CADM2: variants seen among roughly 807,000 people sequenced by gnomAD.
CADM2 encodes the protein immunoglobulin superfamily member 4D.
In CADM2, 12 loss-of-function variants were observed where a neutral mutation model predicts 49.8. That is an observed-to-expected ratio of 0.24 (90% CI 0.15 to 0.39). The LOEUF (loss-of-function observed/expected upper bound fraction) is 0.39. CADM2 is among the 10% of genes least tolerant of loss of function. CADM2 has a pLI of 1.00. For missense variants in CADM2, 378 were observed against 492.3 expected, an observed-to-expected ratio of 0.77 and a Z score of 2.20; for synonymous variants, 214 against 175.4, an observed-to-expected ratio of 1.22 and a Z score of -1.74.
chr3:85,226,597 G>GTT lies in CADM2; in HGVS notation c.61+266939_61+266940dup, dbSNP rs563627048. Among the ~76,000 whole-genome samples the GTT allele has an allele frequency of 4.1e-3, 597 of 146,010 alleles. 2 individuals are homozygous for GTT. Among genetic ancestry groups the GTT allele is most frequent in the African/African-American group, 0.013 (532 of 40,106 alleles). ...CCTGCGTTCATTGATATTTTGAAGA[G>GTT]TTTTTTTTTTTGTGTGTGTGTCTAT... is the stretch of plus-strand genomic sequence containing the variant. On this transcript the variant is annotated intron_variant, in intron 1 of 9. Transcript: ENST00000383699.
intron 1 of CADM2, among the ~76,000 whole-genome samples, chr3:85,464,089 T>C (rs1229865903): frequency 6.6e-6 from 1 of 152,180 alleles, no homozygotes; most frequent in Admixed American, 6.5e-5. Flanking sequence ...ATAATAAACA[T>C]ATTTTAGATT....
chr3:85,973,097 T>A (rs1291519553), intron 8 of CADM2, among the ~76,000 whole-genome samples: 1 of 151,724 alleles, frequency 6.6e-6, no homozygotes, highest in African/African-American at 2.4e-5. Flanking sequence ...GGAGAGCAAC[T>A]TTTTTCAGGG....
intron 1 of CADM2, among the ~76,000 whole-genome samples, chr3:85,684,665 C>T (rs922833071): frequency 6.6e-6 from 1 of 152,088 alleles, no homozygotes; most frequent in Non-Finnish European, 1.5e-5. Context: ...AGGCAAAAGG[C>T]ATTTAAGAGA....
chr3:85,535,410 C>T (rs2061403008), intron 1 of CADM2, among the ~76,000 whole-genome samples: 1 of 152,082 alleles, frequency 6.6e-6, no homozygotes. Flanking sequence ...TAAAATTGTC[C>T]ATCTAAAATA....
intron 2 of CADM2, among the ~76,000 whole-genome samples, chr3:85,759,797 C>G (rs762549424): frequency 6.6e-6 from 1 of 152,024 alleles, no homozygotes; most frequent in Non-Finnish European, 1.5e-5. Context: ...ATACTGGGGA[C>G]CTTGGGGACA....
In CADM2 at chr3:86,014,180, A is replaced by G. The variant is rs138920527; in HGVS notation, c.971-51425A>G. The G allele has an allele frequency of 3.7e-3, 4,771 of 1,296,286 alleles. 9 individuals carry two copies. Among genetic ancestry groups the G allele is most frequent in the Non-Finnish European group, 4.6e-3 (4,319 of 943,124 alleles). 80.3% of individuals were successfully genotyped at this position (1,296,286 alleles called of 1,614,324 possible). On this transcript the variant is annotated intron_variant, in intron 8 of 9. Transcript: ENST00000383699. Reference sequence around the variant, plus strand: ...TCCTGCAAGCACTTGTTTTAGGTTCAGATGGTATAAATAGTGACACAAATA... The same window carrying G: ...TCCTGCAAGCACTTGTTTTAGGTTCGGATGGTATAAATAGTGACACAAATA...
At chr3:85,392,429 A>G (rs2034561913) in intron 1 of CADM2, among the ~76,000 whole-genome samples, 1 of 152,110 alleles carries the variant, frequency 6.6e-6, no homozygotes, top group Non-Finnish European at 1.5e-5. Context: ...AAAAATACCA[A>G]TATCTTAGTT....
At chr3:86,018,496 A>C (rs1209394368) in intron 8 of CADM2, among the ~76,000 whole-genome samples, 1 of 152,038 alleles carries the variant, frequency 6.6e-6, no homozygotes. Flanking sequence ...TCCCACCAAC[A>C]GTGTAAAAGT....
intron 1 of CADM2, among the ~76,000 whole-genome samples, chr3:85,497,278 T>A (rs1437520066): frequency 2.0e-5 from 3 of 152,176 alleles, no homozygotes; most frequent in African/African-American, 7.2e-5. Context: ...TTTTCTCCCA[T>A]TCTTTTATCT....
intron 1 of CADM2, among the ~76,000 whole-genome samples, chr3:85,657,149 T>C (rs1329542265): frequency 6.6e-6 from 1 of 152,204 alleles, no homozygotes; most frequent in African/African-American, 2.4e-5. Context: ...TCTCCTTCTT[T>C]GAATCTTTTG....
rs895781667 is a variant in CADM2, at chr3:85,177,879, C to T, written c.61+218211C>T. 1.1e-4 allele frequency among the ~76,000 whole-genome samples: 17 copies of T among 151,834 alleles called. 1 individual carries two copies. The highest frequency in any genetic ancestry group is 1.8e-4 in the Non-Finnish European group (12 of 67,828). ...AATATTGTTATATATTATGAATATA[C>T]ACACTACAAGAACACTGTGTGGGGG... On this transcript the variant is annotated intron_variant, in intron 1 of 9. Coordinates refer to ENST00000383699, the MANE Select transcript of CADM2 (RefSeq NM_001167675.2).
At chr3:85,853,210 C>T (rs2075173163) in intron 3 of CADM2, among the ~76,000 whole-genome samples, 1 of 151,506 alleles carries the variant, frequency 6.6e-6, no homozygotes, top group Non-Finnish European at 1.5e-5. Flanking sequence ...AATTAAACAT[C>T]ATAGACAGAA....
chr3:85,829,445 T>C (rs146524635), intron 3 of CADM2, among the ~76,000 whole-genome samples: 141 of 152,102 alleles, frequency 9.3e-4, no homozygotes, highest in African/African-American at 3.2e-3. Context: ...TTTCCAAATG[T>C]AGTTAACTAT....
chr3:85,166,890 G>A (rs1255678307), intron 1 of CADM2, among the ~76,000 whole-genome samples: 2 of 151,748 alleles, frequency 1.3e-5, no homozygotes, highest in Non-Finnish European at 2.9e-5. Context: ...TATTTGTATT[G>A]TATATGATAA....
At chr3:85,399,650 G>A (rs370871394) in intron 1 of CADM2, among the ~76,000 whole-genome samples, 11 of 151,922 alleles carry the variant, frequency 7.2e-5, no homozygotes, top group South Asian at 2.1e-4. Flanking sequence ...CTTTTATTTC[G>A]TTGAGCAGTG....
intron 1 of CADM2, among the ~76,000 whole-genome samples, chr3:85,705,883 C>T (rs1336963422): frequency 6.6e-6 from 1 of 152,066 alleles, no homozygotes; most frequent in African/African-American, 2.4e-5. Context: ...TAGTGTATTC[C>T]TTTCATTATC....
chr3:85,991,745 T>C (rs1245660890), intron 8 of CADM2, among the ~76,000 whole-genome samples: 1 of 152,152 alleles, frequency 6.6e-6, no homozygotes, highest in Non-Finnish European at 1.5e-5. Flanking sequence ...ACTATAAAAA[T>C]TTATTAAGGA....
intron 1 of CADM2, among the ~76,000 whole-genome samples, chr3:85,543,736 C>T (rs2061603260): frequency 6.6e-6 from 1 of 152,150 alleles, no homozygotes; most frequent in Admixed American, 6.5e-5. Flanking sequence ...TCTTACTCTG[C>T]TATCACATGG....
At chr3:85,771,161 C>T (rs2070065256) in intron 2 of CADM2, among the ~76,000 whole-genome samples, 1 of 152,074 alleles carries the variant, frequency 6.6e-6, no homozygotes, top group African/African-American at 2.4e-5. Context: ...CTAAATTAGA[C>T]CATAAGTGTT....
Sources: gnomAD v4.1 joint callset for allele counts (sites outside exome capture counted in the v4.1 genomes callset) on GRCh38, gnomAD v4.1.1 for gene constraint, MANE v1.5 for transcripts, NCBI Gene and HGNC (gene_info 2026-07-23, HGNC 2026-07-21) for gene names.